The following IL1RAPL1 variants were observed in gnomAD, a reference collection of about 807,000 sequenced individuals.
IL1RAPL1 encodes the protein interleukin 1 receptor accessory protein like 1.
In IL1RAPL1, 3 loss-of-function variants were observed where a neutral mutation model predicts 48.4. That is an observed-to-expected ratio of 0.06 (90% CI 0.03 to 0.16). IL1RAPL1 has a LOEUF of 0.16. Ranked by LOEUF, IL1RAPL1 falls within the 10% of genes least tolerant of loss-of-function variation. The probability of loss-of-function intolerance (pLI) is 1.00; values close to 1 mark genes in which losing one functional copy is unlikely to be tolerated. For synonymous variants in IL1RAPL1, 185 were observed against 187.7 expected (o/e 0.99, Z 0.12); for missense variants, 349 against 530.6 (o/e 0.66, Z 3.36).
intron 2 of IL1RAPL1, among the ~76,000 whole-genome samples, chrX:28,982,492 G>A (rs781181914): frequency 8.9e-5 from 10 of 112,080 alleles, no homozygotes; most frequent in Non-Finnish European, 1.9e-4. Context: ...TTCATATGGC[G>A]CTCTTCAGTA....
rs192696904 is a variant in IL1RAPL1 at position 29,771,724 on chromosome X, C to T, written c.778+103220C>T. On this transcript the variant is annotated intron_variant, in intron 6 of 10. Coordinates refer to ENST00000378993, the MANE Select transcript of IL1RAPL1 (RefSeq NM_014271.4). ...CCATTTTTCCCCATCCTTGAAATCT[C>T]AACTCTTCCTTAAAAAGTGTCAAGA... is the stretch of plus-strand genomic sequence containing the variant. 8.0e-5 allele frequency among the ~76,000 whole-genome samples: 9 copies of T among 111,820 alleles called. No individual in the cohort carries two copies. The East Asian group carries it at 2.5e-3, about 31-fold the overall frequency.
rs747538744 is a variant in IL1RAPL1, at chrX:29,833,258, CAATAGAT to C, written c.779-84205_779-84199del. 9.0e-5 allele frequency among the ~76,000 whole-genome samples: 10 copies of C among 111,568 alleles called. No homozygotes were observed. In the South Asian group the frequency reaches 3.8e-3, roughly 42 times the overall value. ...GCACATGCATGTATGTAGTAGGTAT[CAATAGAT>C]GATAGATGGGTAGATAGATATTCTT... is the stretch of plus-strand genomic sequence containing the variant. On this transcript the variant is annotated intron_variant, in intron 6 of 10. Coordinates refer to ENST00000378993, the MANE Select transcript of IL1RAPL1 (RefSeq NM_014271.4).
At chrX:29,752,220 G>A (rs745631170) in intron 6 of IL1RAPL1, among the ~76,000 whole-genome samples, 94 of 105,643 alleles carry the variant, frequency 8.9e-4, no homozygotes, top group Non-Finnish European at 1.4e-3. Flanking sequence ...TTGATGGCCC[G>A]GGCGCAGGGG....
At position 28,917,158 on chromosome X, in the gene IL1RAPL1, G is replaced by A. The variant is rs188600222; in HGVS notation, c.82+127733G>A. Reference sequence around the variant, plus strand: ...TATTTTAACTGGGACTTCATTGCCTGAGGGAAGATGGATTATTAGTGACAT... The same window carrying A: ...TATTTTAACTGGGACTTCATTGCCTAAGGGAAGATGGATTATTAGTGACAT... On this transcript the variant is annotated intron_variant, in intron 2 of 10. Coordinates refer to ENST00000378993, the MANE Select transcript of IL1RAPL1 (RefSeq NM_014271.4). Among the ~76,000 whole-genome samples the A allele has an allele frequency of 3.5e-4, 39 of 111,700 alleles. 1 individual carries two copies. In the South Asian group the frequency reaches 5.6e-3, roughly 16 times the overall value.
intron 8 of IL1RAPL1, among the ~76,000 whole-genome samples, chrX:29,925,413 T>G (rs1383411937): frequency 9.2e-5 from 1 of 10,898 alleles, no homozygotes; most frequent in African/African-American, 3.5e-4. Context: ...CCCGTAACTG[T>G]TTTTTTTTTT....
chrX:29,206,712 A>G (rs1930673377), intron 2 of IL1RAPL1, among the ~76,000 whole-genome samples: 2 of 112,124 alleles, frequency 1.8e-5, no homozygotes, highest in African/African-American at 6.5e-5. Flanking sequence ...ACAGTAATAT[A>G]TACATATGTA....
At chrX:28,931,028 G>C (rs1480239079) in intron 2 of IL1RAPL1, among the ~76,000 whole-genome samples, 1 of 111,350 alleles carries the variant, frequency 9.0e-6, no homozygotes, top group African/African-American at 3.3e-5. Flanking sequence ...GGATGTTTTG[G>C]TGGGGTGGGT....
rs535581747 is a variant in IL1RAPL1, at chrX:29,449,875, A to G, written c.703+50567A>G. ...CAGTGTTCTATCTATTGAAAATGAG[A>G]AAGTATTTGACTAAAATAAAAAAAG... On this transcript the variant is annotated intron_variant, in intron 5 of 10. Transcript: ENST00000378993. Among the ~76,000 whole-genome samples, 9 of 108,888 alleles carry G rather than the reference A, an allele frequency of 8.3e-5. No homozygotes were observed. In the South Asian group the frequency reaches 2.9e-3, roughly 35 times the overall value. The allele number at this position is 108,888 out of a possible 115,157, so 94.6% of individuals were successfully genotyped here. A position where few individuals can be genotyped will look rare whatever the true frequency, so the allele number is the denominator to read the frequency against.
intron 6 of IL1RAPL1, among the ~76,000 whole-genome samples, chrX:29,691,794 G>A (rs971825846): frequency 1.9e-5 from 2 of 104,547 alleles, no homozygotes; most frequent in Admixed American, 2.1e-4. Context: ...GTTTTCTGCT[G>A]CTACCAAATT....
chrX:29,526,135 T>C (rs1198812989), intron 5 of IL1RAPL1, among the ~76,000 whole-genome samples: 2 of 112,110 alleles, frequency 1.8e-5, no homozygotes, highest in Non-Finnish European at 3.8e-5. Flanking sequence ...AATATGTTAT[T>C]GTATATATTT....
In IL1RAPL1 at chrX:28,724,712, A is replaced by C. The variant is rs186271167; in HGVS notation, c.-24-64608A>C. On this transcript the variant is annotated intron_variant, in intron 1 of 10. Coordinates refer to ENST00000378993, the MANE Select transcript of IL1RAPL1 (RefSeq NM_014271.4). ...GCCTCGATGGTCTTTAAAATTTGGC[A>C]TGTTTTTGCAGTGGCTGGTACTGGT... Among the ~76,000 whole-genome samples, 47 of 111,200 alleles carry C rather than the reference A, an allele frequency of 4.2e-4. No individual in the cohort carries two copies. In the East Asian group the frequency reaches 0.012, roughly 28 times the overall value.
At chrX:28,622,253 T>C (rs1934292116) in intron 1 of IL1RAPL1, among the ~76,000 whole-genome samples, 1 of 111,939 alleles carries the variant, frequency 8.9e-6, no homozygotes, top group South Asian at 3.7e-4. Context: ...GCATATAGTA[T>C]CTGTTTTGGC....
chrX:29,323,408 C>T (rs1278011723), intron 3 of IL1RAPL1, among the ~76,000 whole-genome samples: 2 of 107,266 alleles, frequency 1.9e-5, no homozygotes, highest in African/African-American at 6.8e-5. Context: ...CTAGGTCTCT[C>T]TTCTGCACTT....
At chrX:29,545,585 A>G (rs1455942376) in intron 5 of IL1RAPL1, among the ~76,000 whole-genome samples, 1 of 111,905 alleles carries the variant, frequency 8.9e-6, no homozygotes, top group Non-Finnish European at 1.9e-5. Context: ...AATGAGTCAT[A>G]CATCACTCTT....
chrX:29,539,850 C>A (rs1213784733), intron 5 of IL1RAPL1, among the ~76,000 whole-genome samples: 2 of 111,379 alleles, frequency 1.8e-5, no homozygotes, highest in Non-Finnish European at 3.8e-5. Context: ...TTATAAATTA[C>A]CAAGTCCCAG....
At position 29,339,449 on chromosome X, in the gene IL1RAPL1, A is replaced by T. The variant is rs1196139220; in HGVS notation, c.362+56232A>T. 3.6e-5 allele frequency among the ~76,000 whole-genome samples: 4 copies of T among 112,032 alleles called. No homozygotes were observed. In the East Asian group the frequency reaches 1.1e-3, roughly 31 times the overall value. The stretch of plus-strand genomic sequence containing the variant: ...AAATACCTTAGGATTCAGAAAAGGG[A>T]ATTGAAAAGTGGGGAAGGGGTATGA... On this transcript the variant is annotated intron_variant, in intron 3 of 10. Transcript: ENST00000378993.
chrX:29,145,024 C>T (rs918806315), intron 2 of IL1RAPL1, among the ~76,000 whole-genome samples: 3 of 110,522 alleles, frequency 2.7e-5, no homozygotes, highest in Non-Finnish European at 3.8e-5. Flanking sequence ...CCACCATGCC[C>T]GGCCTGATCT....
At chrX:28,778,908 A>C (rs1936387986) in intron 1 of IL1RAPL1, among the ~76,000 whole-genome samples, 1 of 112,182 alleles carries the variant, frequency 8.9e-6, no homozygotes, top group Non-Finnish European at 1.9e-5. Context: ...TTTAAGGGTA[A>C]TCATACATTA....
At chrX:29,561,597 T>C (rs1922197772) in intron 5 of IL1RAPL1, among the ~76,000 whole-genome samples, 1 of 111,987 alleles carries the variant, frequency 8.9e-6, no homozygotes, top group South Asian at 3.7e-4. Context: ...CACTTTCCCC[T>C]GTGAAACAAA....
Sources: allele counts gnomAD v4.1 joint callset (sites outside exome capture counted in the v4.1 genomes callset), GRCh38; gene constraint gnomAD v4.1.1; transcripts MANE v1.5; gene names NCBI Gene and HGNC (gene_info 2026-07-23, HGNC 2026-07-21).